USP53: variants seen among roughly 807,000 people sequenced by gnomAD.
The protein encoded by USP53 is ubiquitin carboxyl-terminal hydrolase 53.
Under a neutral mutation model 94.9 loss-of-function variants are expected in USP53, and 71 were observed. The ratio of observed to expected loss-of-function variants is 0.75; its 90% CI spans 0.62 to 0.91. The LOEUF (loss-of-function observed/expected upper bound fraction) is 0.91. Among genes scored for constraint, USP53 ranks in the 40% least tolerant of loss-of-function variants. The pLI is 0.00. For synonymous variants in USP53, 375 were observed against 422.7 expected, an observed-to-expected ratio of 0.89 and a Z score of 1.39; for missense variants, 1,173 against 1,281.0, an observed-to-expected ratio of 0.92 and a Z score of 1.29.
In USP53 at chr4:119,267,450, G is replaced by A; in HGVS notation, c.1103G>A (p.Trp368Ter). 1.2e-6 allele frequency: 2 copies of A among 1,611,830 alleles called. No individual in the cohort carries two copies. The highest frequency in any genetic ancestry group is 1.1e-5 in the South Asian group (1 of 90,456). Residue 368 changes from tryptophan (W) to a stop codon, truncating the protein, a stop_gained, in exon 13 of 19, where the codon TGG becomes TAG. Transcript: ENST00000692078. LOFTEE classifies it high-confidence loss of function. ...TEDALRQVIS[W>*]SHYKSVAENM... The stretch of plus-strand genomic sequence containing the variant: ...GATGCACTCAGGCAGGTCATCAGCT[G>A]GTCACATTACAAATCTGTTGCAGAA...
At position 119,257,853 on chromosome 4, in the gene USP53, A is replaced by G. The variant is rs190627965; in HGVS notation, c.569+1330A>G. Among the ~76,000 whole-genome samples the G allele has an allele frequency of 3.5e-4, 53 of 152,310 alleles. No homozygotes were observed. In the East Asian group the frequency reaches 0.01, roughly 29 times the overall value. On this transcript the variant is annotated intron_variant, in intron 9 of 18. Coordinates refer to ENST00000692078, the MANE Select transcript of USP53 (RefSeq NM_001371395.1). Reference sequence around the variant, plus strand: ...ATGAAAAGTAGGATGGTGTTCAAAGATAGACAATAAGTTAAAAACTAAAAT... The same window carrying G: ...ATGAAAAGTAGGATGGTGTTCAAAGGTAGACAATAAGTTAAAAACTAAAAT...
chr4:119,259,057 G>C (rs1342809267), intron 9 of USP53, among the ~76,000 whole-genome samples: 2 of 152,058 alleles, frequency 1.3e-5, no homozygotes, highest in Non-Finnish European at 2.9e-5. Context: ...GAGGTGGTTG[G>C]ATCACTTGAG....
intron 17 of USP53, among the ~76,000 whole-genome samples, chr4:119,281,277 A>G (rs1248691197): frequency 6.6e-6 from 1 of 152,216 alleles, no homozygotes; most frequent in Non-Finnish European, 1.5e-5. Context: ...ATTATGTTGC[A>G]ATCAAAGACA....
intron 3 of USP53, among the ~76,000 whole-genome samples, chr4:119,234,498 G>A (rs772811717): frequency 3.3e-5 from 5 of 152,142 alleles, no homozygotes; most frequent in Non-Finnish European, 5.9e-5. Context: ...AGCCCCTTAA[G>A]GGTAGTGATT....
intron 3 of USP53, among the ~76,000 whole-genome samples, chr4:119,225,759 CAAAG>C (rs1052574814): frequency 3.2e-4 from 48 of 150,670 alleles, no homozygotes; most frequent in African/African-American, 1.0e-3. Context: ...ACAAAACAAA[CAAAG>C]AAAAAAAAAT....
intron 7 of USP53, among the ~76,000 whole-genome samples, chr4:119,252,614 C>T (rs1400764208): frequency 2.0e-5 from 3 of 151,884 alleles, no homozygotes; most frequent in African/African-American, 7.3e-5. Context: ...TTATTTGATT[C>T]TGCTCTCTTT....
chr4:119,240,392 A>C (rs1747361172), intron 5 of USP53, among the ~76,000 whole-genome samples: 1 of 152,158 alleles, frequency 6.6e-6, no homozygotes, highest in Non-Finnish European at 1.5e-5. Context: ...GTTTTGGTTA[A>C]ATTGAAGGAT....
intron 3 of USP53, among the ~76,000 whole-genome samples, chr4:119,225,512 C>T (rs955789818): frequency 2.6e-5 from 4 of 151,888 alleles, no homozygotes; most frequent in South Asian, 2.1e-4. Flanking sequence ...TTTGGGAGGC[C>T]GAGGCGGGCA....
intron 17 of USP53, among the ~76,000 whole-genome samples, chr4:119,284,301 A>T (rs1165139637): frequency 6.6e-6 from 1 of 151,756 alleles, no homozygotes; most frequent in Admixed American, 6.6e-5. Context: ...AGAAAAAAAA[A>T]AACCCTATTA....
chr4:119,262,128 T>C (rs1750590156), intron 12 of USP53, among the ~76,000 whole-genome samples: 1 of 152,324 alleles, frequency 6.6e-6, no homozygotes, highest in East Asian at 1.9e-4. Context: ...TATGTAACTA[T>C]CAGTGATCTG....
At chr4:119,271,084 AT>A (rs1751792900) in intron 15 of USP53, 1 of 450,652 alleles carries the variant, frequency 2.2e-6, no homozygotes. Flanking sequence ...CTTAGAGATC[AT>A]TTTTTGAAGT....
At chr4:119,285,702 A>C (rs1754026252) in intron 17 of USP53, among the ~76,000 whole-genome samples, 1 of 151,958 alleles carries the variant, frequency 6.6e-6, no homozygotes, top group Non-Finnish European at 1.5e-5. Context: ...TGTTTTTGGC[A>C]AACTACCAAG....
chr4:119,267,562 T>C, intron 13 of USP53, 80 bp downstream of exon 13: 12 of 1,384,538 alleles, frequency 8.7e-6, no homozygotes, highest in Non-Finnish European at 1.1e-5. Flanking sequence ...GAATATAAAA[T>C]GAATATAGAG....
intron 11 of USP53, among the ~76,000 whole-genome samples, chr4:119,261,218 C>T (rs747826593): frequency 5.9e-5 from 9 of 152,118 alleles, no homozygotes; most frequent in African/African-American, 7.2e-5. Flanking sequence ...GCCTTGGCTT[C>T]CCAAAGTGCT....
chr4:119,293,296 G>C lies in USP53; in HGVS notation c.*85G>C, dbSNP rs1002776477. 6.9e-6 allele frequency: 10 copies of C among 1,441,812 alleles called. No individual in the cohort carries two copies. The highest frequency in any genetic ancestry group is 9.2e-6 in the Non-Finnish European group (10 of 1,088,842). The allele number at this position is 1,441,812 out of a possible 1,614,324, so 89.3% of individuals were successfully genotyped here. ...CAAAGATATAAACCTAGCATACATT[G>C]TAATAGATAACTGGTAAAACTGACC... On this transcript the variant is annotated 3_prime_UTR_variant, in exon 19 of 19. Coordinates refer to ENST00000692078, the MANE Select transcript of USP53 (RefSeq NM_001371395.1).
At position 119,239,454 on chromosome 4, in the gene USP53, A is replaced by G. The variant is rs1453565241; in HGVS notation, c.-306A>G. The stretch of plus-strand genomic sequence containing the variant: ...CATCAGTATTTTTAGCCATTAAAAA[A>G]AATCGTTTTCATATTAACCTTATAC... On this transcript the variant is annotated 5_prime_UTR_variant, in exon 5 of 19. Coordinates refer to ENST00000692078, the MANE Select transcript of USP53 (RefSeq NM_001371395.1). 8.7e-6 allele frequency: 3 copies of G among 343,406 alleles called. No homozygotes were observed. Among genetic ancestry groups the G allele is most frequent in the Non-Finnish European group, 1.6e-5 (3 of 192,662 alleles). 21.3% of individuals were successfully genotyped at this position (343,406 alleles called of 1,614,324 possible).
In USP53 at chr4:119,256,347, T is replaced by A. The variant is rs781777555; in HGVS notation, c.474T>A (p.Thr158=). 10 of 1,613,794 alleles carry A rather than the reference T, an allele frequency of 6.2e-6. No individual in the cohort carries two copies. Among genetic ancestry groups the A allele is most frequent in the Non-Finnish European group, 8.5e-6 (10 of 1,179,870 alleles). ...SCITHQKFAM[T]LYEQCVCRSC... is the part of the protein sequence containing the mutation. ...TCACTCACCAGAAGTTTGCTATGAC[T>A]CTGTATGAACAGGTGAGATGGCTTG... Residue 158 remains threonine, a synonymous_variant, in exon 8 of 19, where the codon ACT becomes ACA. Transcript: ENST00000692078.
At chr4:119,243,653 A>G (rs113666121) in intron 5 of USP53, among the ~76,000 whole-genome samples, 2 of 152,354 alleles carry the variant, frequency 1.3e-5, no homozygotes, top group African/African-American at 4.8e-5. Context: ...AAAACATTTT[A>G]TCTGTAGTTT....
At chr4:119,288,276 T>A (rs1366990905) in intron 17 of USP53, among the ~76,000 whole-genome samples, 1 of 152,194 alleles carries the variant, frequency 6.6e-6, no homozygotes, top group African/African-American at 2.4e-5. Flanking sequence ...AAACAAAAAT[T>A]TAGTGAGATG....
Sources: gnomAD v4.1 joint callset for allele counts (sites outside exome capture counted in the v4.1 genomes callset) on GRCh38, gnomAD v4.1.1 for gene constraint, MANE v1.5 for transcripts, NCBI Gene and HGNC (gene_info 2026-07-23, HGNC 2026-07-21) for gene names.